Variants in TBPL1 observed in about 807,000 individuals in gnomAD.
TBPL1 encodes the protein TATA-box binding protein like 1.
A neutral mutation model predicts 22.1 loss-of-function variants in TBPL1; 4 were observed. The observed-to-expected ratio is 0.18, with a 90% confidence interval of 0.09 to 0.41. The LOEUF (loss-of-function observed/expected upper bound fraction) is 0.41, where lower values mean the gene tolerates loss of function less well. Among genes scored for constraint, TBPL1 ranks in the 10% least tolerant of loss-of-function variants. The probability of loss-of-function intolerance (pLI) is 1.00; values close to 1 mark genes in which losing one functional copy is unlikely to be tolerated. For missense variants in TBPL1, 115 were observed against 222.3 expected (o/e 0.52, Z 3.07); for synonymous variants, 64 against 71.0 (o/e 0.90, Z 0.50).
intron 1 of TBPL1, among the ~76,000 whole-genome samples, chr6:133,964,335 G>A (rs543983976): frequency 6.6e-6 from 1 of 152,018 alleles, no homozygotes; most frequent in East Asian, 1.9e-4. Flanking sequence ...GCTTACATGT[G>A]GAAAGAGTGT....
At chr6:133,981,251 G>A (rs1210603601) in intron 2 of TBPL1, among the ~76,000 whole-genome samples, 2 of 152,100 alleles carry the variant, frequency 1.3e-5, no homozygotes, top group East Asian at 1.9e-4. Context: ...GATTATAGGC[G>A]TGAGCCACCG....
intron 4 of TBPL1, among the ~76,000 whole-genome samples, chr6:133,983,352 A>G (rs1463140068): frequency 6.6e-6 from 1 of 152,234 alleles, no homozygotes; most frequent in Non-Finnish European, 1.5e-5. Flanking sequence ...GAATAAAACG[A>G]TTACATATTA....
rs1384222071 is a variant in TBPL1 at position 133,988,041 on chromosome 6, G to C, written c.*1001G>C. 6.6e-6 allele frequency: 1 copy of C among 152,118 alleles called. No individual in the cohort carries two copies. The highest frequency in any genetic ancestry group is 6.6e-5 in the Admixed American group (1 of 15,266). The allele number at this position is 152,118 out of a possible 1,614,324, so 9.4% of individuals were successfully genotyped here. On this transcript the variant is annotated 3_prime_UTR_variant, in exon 7 of 7. Coordinates refer to ENST00000237264, the MANE Select transcript of TBPL1 (RefSeq NM_004865.4). The stretch of plus-strand genomic sequence containing the variant: ...GGGTTGATGCCCAAGCCTATACTAA[G>C]AGTCTTGTCAGAAGTTGGTAACATG...
In TBPL1 at chr6:133,989,118, C is replaced by T. The variant is rs1019467798; in HGVS notation, c.*2078C>T. 6.6e-6 allele frequency: 1 copy of T among 152,114 alleles called. No individual in the cohort carries two copies. The highest frequency in any genetic ancestry group is 2.4e-5 in the African/African-American group (1 of 41,408). 9.4% of individuals were successfully genotyped at this position (152,114 alleles called of 1,614,324 possible). ...CACCTAACAGTGTCCATGGGTAATT[C>T]GCTAACCTTAACAAAGATGGGAAGA... On this transcript the variant is annotated 3_prime_UTR_variant, in exon 7 of 7. Transcript: ENST00000237264.
At chr6:133,977,475 A>G (rs960241556) in intron 1 of TBPL1, among the ~76,000 whole-genome samples, 70 of 152,146 alleles carry the variant, frequency 4.6e-4, no homozygotes, top group African/African-American at 1.7e-3. Flanking sequence ...TTGTCCCCTC[A>G]GGCAGAACTC....
chr6:133,975,895 C>T (rs898741778), intron 1 of TBPL1, among the ~76,000 whole-genome samples: 1 of 152,082 alleles, frequency 6.6e-6, no homozygotes, highest in South Asian at 2.1e-4. Context: ...TCATTGTGTT[C>T]TTTTTGCCTT....
At chr6:133,970,112 A>G (rs1225781310) in intron 1 of TBPL1, among the ~76,000 whole-genome samples, 1 of 152,182 alleles carries the variant, frequency 6.6e-6, no homozygotes, top group Non-Finnish European at 1.5e-5. Context: ...AGTGTTAAGT[A>G]TCTGGTTTTT....
At chr6:133,981,868 G>T (rs1443745515) in intron 2 of TBPL1, among the ~76,000 whole-genome samples, 1 of 152,160 alleles carries the variant, frequency 6.6e-6, no homozygotes, top group Non-Finnish European at 1.5e-5. Context: ...CTTAGTCCTT[G>T]ACCTATTTAT....
intron 6 of TBPL1, among the ~76,000 whole-genome samples, chr6:133,986,236 A>C (rs1776520237): frequency 6.6e-6 from 1 of 152,218 alleles, no homozygotes; most frequent in Non-Finnish European, 1.5e-5. Flanking sequence ...TGGGTCTTTC[A>C]AAAGAGGTTA....
chr6:133,990,025 TAAC>T lies in TBPL1; in HGVS notation c.*2988_*2990del, dbSNP rs985249736. The T allele has an allele frequency of 2.0e-5, 3 of 152,514 alleles. No individual in the cohort carries two copies. Among genetic ancestry groups the T allele is most frequent in the Non-Finnish European group, 4.4e-5 (3 of 68,044 alleles). 9.4% of individuals were successfully genotyped at this position (152,514 alleles called of 1,614,324 possible). ...CCCAAATTTTATTAGTAAGACCTCT[TAAC>T]AAGTCTTTAAAATCAACTGGAGAAG... On this transcript the variant is annotated 3_prime_UTR_variant, in exon 7 of 7. Transcript: ENST00000237264.
intron 1 of TBPL1, 42 bp from the exon 2 acceptor site, chr6:133,980,037 TAAC>T: frequency 2.3e-6 from 3 of 1,288,990 alleles, no homozygotes; most frequent in South Asian, 4.4e-5. Context: ...AAAAGTGAAT[TAAC>T]AACATTTAAG....
chr6:133,965,600 G>A (rs1201144931), intron 1 of TBPL1, among the ~76,000 whole-genome samples: 3 of 151,140 alleles, frequency 2.0e-5, no homozygotes, highest in Non-Finnish European at 4.4e-5. Context: ...GTTATTGTTG[G>A]AGTTTTGTGG....
At chr6:133,976,041 T>TA (rs1486266350) in intron 1 of TBPL1, among the ~76,000 whole-genome samples, 3 of 152,286 alleles carry the variant, frequency 2.0e-5, no homozygotes, top group Non-Finnish European at 2.9e-5. Flanking sequence ...TACAACCAGT[T>TA]AAAAAAATCA....
chr6:133,962,162 G>T (rs547848873), intron 1 of TBPL1, among the ~76,000 whole-genome samples: 1 of 152,166 alleles, frequency 6.6e-6, no homozygotes, highest in Admixed American at 6.5e-5. Flanking sequence ...GGAAGATTAG[G>T]TTATATAAGG....
In TBPL1 at chr6:133,987,648, G is replaced by GTATATATATATATATATATATA. The variant is rs59102121; in HGVS notation, c.*627_*628insATATATATATATATATATATAT. 20 of 88,300 alleles carry GTATATATATATATATATATATA rather than the reference G, an allele frequency of 2.3e-4. No individual in the cohort carries two copies. The highest frequency in any genetic ancestry group is 5.1e-4 in the African/African-American group (14 of 27,486). 5.5% of individuals were successfully genotyped at this position (88,300 alleles called of 1,614,324 possible). On this transcript the variant is annotated 3_prime_UTR_variant, in exon 7 of 7. Coordinates refer to ENST00000237264, the MANE Select transcript of TBPL1 (RefSeq NM_004865.4). Reference sequence around the variant, plus strand: ...TTTGTGTGTGTGTGTGTGTGTGTGTGTATATATATATATATATATGCACCA... The same window carrying GTATATATATATATATATATATA: ...TTTGTGTGTGTGTGTGTGTGTGTGTGTATATATATATATATATATATATATATATATATATATATATGCACCA...
intron 1 of TBPL1, among the ~76,000 whole-genome samples, chr6:133,954,728 C>T (rs1240407011): frequency 1.3e-5 from 2 of 152,140 alleles, no homozygotes; most frequent in Non-Finnish European, 1.5e-5. Context: ...GTTTGTTCCC[C>T]ACCCCTTTTG....
At chr6:133,986,415 T>A (rs1292240576) in intron 6 of TBPL1, among the ~76,000 whole-genome samples, 1 of 152,244 alleles carries the variant, frequency 6.6e-6, no homozygotes, top group Non-Finnish European at 1.5e-5. Context: ...TTTTTTGTTT[T>A]CTATTGACTT....
chr6:133,986,915 C>T lies in TBPL1; in HGVS notation c.482-46C>T, dbSNP rs775968117. On this transcript the variant is annotated intron_variant, in intron 6 of 6. Coordinates refer to ENST00000237264, the MANE Select transcript of TBPL1 (RefSeq NM_004865.4). ...GGAAAATCAGTTTTTCCTAGTGCTC[C>T]CTTTTCCAACTCTTCTCACTCCTTC... 7.4e-6 allele frequency: 10 copies of T among 1,358,148 alleles called. No homozygotes were observed. In the South Asian group the frequency reaches 9.6e-5, roughly 13 times the overall value. The allele number at this position is 1,358,148 out of a possible 1,614,324, so 84.1% of individuals were successfully genotyped here.
chr6:133,969,818 G>A (rs1776187158), intron 1 of TBPL1, among the ~76,000 whole-genome samples: 1 of 152,076 alleles, frequency 6.6e-6, no homozygotes, highest in Admixed American at 6.5e-5. Context: ...AAGGGGAAGT[G>A]GTGAGTTCAG....
Sources: gnomAD v4.1 joint callset for allele counts (sites outside exome capture counted in the v4.1 genomes callset) on GRCh38, gnomAD v4.1.1 for gene constraint, MANE v1.5 for transcripts, NCBI Gene and HGNC (gene_info 2026-07-23, HGNC 2026-07-21) for gene names.